Variants in RAPGEF4 observed in about 807,000 individuals in gnomAD.
RAPGEF4 encodes Rap guanine nucleotide exchange factor 4.
A neutral mutation model predicts 147.9 loss-of-function variants in RAPGEF4; 66 were observed. The observed-to-expected ratio is 0.45, with a 90% confidence interval of 0.37 to 0.55. The LOEUF (loss-of-function observed/expected upper bound fraction) is 0.55, where lower values mean the gene tolerates loss of function less well. Among genes scored for constraint, RAPGEF4 ranks in the 20% least tolerant of loss-of-function variants. The pLI is 0.00. For synonymous variants in RAPGEF4, 419 were observed against 442.7 expected, an observed-to-expected ratio of 0.95 and a Z score of 0.67; for missense variants, 1,071 against 1,257.3, an observed-to-expected ratio of 0.85 and a Z score of 2.24.
intron 4 of RAPGEF4, 94 bp downstream of exon 4, chr2:172,814,519 G>A: frequency 2.1e-6 from 3 of 1,432,460 alleles, no homozygotes; most frequent in Non-Finnish European, 2.0e-6. Flanking sequence ...GCCTTAATGT[G>A]TTCTGTTCTG....
intron 29 of RAPGEF4, 81 bp downstream of exon 29, chr2:173,036,773 C>T (rs1684072268): frequency 5.1e-6 from 5 of 978,546 alleles, no homozygotes; most frequent in Non-Finnish European, 7.8e-6. Flanking sequence ...AAATAATTTC[C>T]ATATATGCTG....
intron 3 of RAPGEF4, among the ~76,000 whole-genome samples, chr2:172,803,178 A>G (rs891246819): frequency 2.0e-5 from 3 of 151,894 alleles, no homozygotes; most frequent in African/African-American, 7.3e-5. Flanking sequence ...CCCAGTAGGG[A>G]CTCTGTGTGG....
chr2:172,971,274 A>G (rs1003525617), intron 10 of RAPGEF4, among the ~76,000 whole-genome samples: 1 of 152,228 alleles, frequency 6.6e-6, no homozygotes, highest in Non-Finnish European at 1.5e-5. Flanking sequence ...CCTTCCAAGT[A>G]AAGTGAGACA....
rs1457967377 is a variant in RAPGEF4 at position 172,967,445 on chromosome 2, G to A, written c.1004+1G>A. On this transcript the variant is annotated splice_donor_variant, in intron 10 of 30. Coordinates refer to ENST00000397081, the MANE Select transcript of RAPGEF4 (RefSeq NM_007023.4). LOFTEE classifies it high-confidence loss of function. ...ACATGAGGATGATCCTTCGCAAACC[G>A]TGAGTGAGAGCTCGTGGCTCACCCC... 5.6e-6 allele frequency: 9 copies of A among 1,609,286 alleles called. No homozygotes were observed. Among genetic ancestry groups the A allele is most frequent in the East Asian group, 2.2e-5 (1 of 44,798 alleles).
At chr2:172,800,275 A>T (rs1230567292) in intron 3 of RAPGEF4, among the ~76,000 whole-genome samples, 1 of 152,212 alleles carries the variant, frequency 6.6e-6, no homozygotes, top group African/African-American at 2.4e-5. Context: ...TCTAGAGTAC[A>T]GCCTGAGATA....
intron 18 of RAPGEF4, among the ~76,000 whole-genome samples, chr2:173,016,049 T>C (rs1357938224): frequency 3.3e-5 from 5 of 152,250 alleles, no homozygotes; most frequent in Non-Finnish European, 5.9e-5. Flanking sequence ...GTAAAATAGA[T>C]ATCTAATATA....
intron 4 of RAPGEF4, among the ~76,000 whole-genome samples, chr2:172,845,716 C>G (rs948807577): frequency 6.6e-6 from 1 of 152,174 alleles, no homozygotes; most frequent in Non-Finnish European, 1.5e-5. Context: ...ACCATTTTAA[C>G]CATTTTAGAT....
intron 1 of RAPGEF4, among the ~76,000 whole-genome samples, chr2:172,768,769 G>A (rs1697086473): frequency 6.6e-6 from 1 of 152,174 alleles, no homozygotes; most frequent in African/African-American, 2.4e-5. Flanking sequence ...TGAAAAGCTC[G>A]ACATTGGCCA....
intron 1 of RAPGEF4, among the ~76,000 whole-genome samples, chr2:172,782,550 A>C (rs973270918): frequency 6.6e-6 from 1 of 152,228 alleles, no homozygotes; most frequent in African/African-American, 2.4e-5. Context: ...TAGGGGCAAC[A>C]GTGGCAATTT....
intron 4 of RAPGEF4, among the ~76,000 whole-genome samples, chr2:172,907,069 T>C (rs1391090763): frequency 6.6e-6 from 1 of 152,064 alleles, no homozygotes; most frequent in Non-Finnish European, 1.5e-5. Flanking sequence ...CACCACCCCT[T>C]CCCCAGTCTG....
intron 4 of RAPGEF4, among the ~76,000 whole-genome samples, chr2:172,853,822 C>T (rs1329003707): frequency 1.3e-5 from 2 of 151,796 alleles, no homozygotes; most frequent in Admixed American, 6.6e-5. Flanking sequence ...TGTCAGTTTC[C>T]AAATATTTTG....
intron 29 of RAPGEF4, among the ~76,000 whole-genome samples, chr2:173,041,851 T>C (rs1453874336): frequency 1.3e-5 from 2 of 152,210 alleles, no homozygotes; most frequent in African/African-American, 4.8e-5. Context: ...AGTTGTCTGC[T>C]GTCTGGTTCC....
intron 4 of RAPGEF4, among the ~76,000 whole-genome samples, chr2:172,906,204 G>C (rs1699611459): frequency 6.6e-6 from 1 of 152,146 alleles, no homozygotes; most frequent in African/African-American, 2.4e-5. Context: ...GGCTTTCAGA[G>C]AAAGTACAGA....
intron 22 of RAPGEF4, among the ~76,000 whole-genome samples, chr2:173,020,097 T>G (rs1364546554): frequency 1.3e-5 from 2 of 152,248 alleles, no homozygotes; most frequent in Non-Finnish European, 2.9e-5. Flanking sequence ...TTAATTTTTT[T>G]GACATGTTCT....
At chr2:172,934,147 C>CTT (rs5836396) in intron 6 of RAPGEF4, among the ~76,000 whole-genome samples, 7,366 of 99,150 alleles carry the variant, frequency 0.074, 807 homozygotes, top group East Asian at 0.15. Context: ...TTATTTAATC[C>CTT]TTTTTTTTTT....
chr2:172,915,695 C>T (rs1169742091), intron 4 of RAPGEF4, among the ~76,000 whole-genome samples: 1 of 79,682 alleles, frequency 1.3e-5, no homozygotes, highest in Non-Finnish European at 2.3e-5. Flanking sequence ...CAGAGTGAGA[C>T]CCTGTCTCAA....
rs183419837 is a variant in RAPGEF4 at position 173,028,279 on chromosome 2, A to G, written c.2558+1020A>G. On this transcript the variant is annotated intron_variant, in intron 25 of 30. Coordinates refer to ENST00000397081, the MANE Select transcript of RAPGEF4 (RefSeq NM_007023.4). ...TGCCTGTGAATTTCTGGTTCAGAGTATAGCCACTTCCCTGGTAGTCTGCAC... is the reference window on the plus strand; with the variant it reads ...TGCCTGTGAATTTCTGGTTCAGAGTGTAGCCACTTCCCTGGTAGTCTGCAC... Among the ~76,000 whole-genome samples the G allele has an allele frequency of 2.4e-3, 368 of 152,372 alleles. 7 individuals are homozygous for G. The highest frequency in any genetic ancestry group is 0.017 in the East Asian group (89 of 5,190).
chr2:172,779,174 C>T (rs945891146), intron 1 of RAPGEF4, among the ~76,000 whole-genome samples: 1 of 152,060 alleles, frequency 6.6e-6, no homozygotes, highest in African/African-American at 2.4e-5. Flanking sequence ...AAAAGAATCC[C>T]TGCTTTTATG....
At chr2:173,017,244 A>G (rs751561429) in intron 20 of RAPGEF4, 40 bp downstream of exon 20, 2 of 1,590,258 alleles carry the variant, frequency 1.3e-6, no homozygotes, top group South Asian at 2.2e-5. Context: ...TGTGTCCTGT[A>G]GAATTACAAT....
Sources: gnomAD v4.1 joint callset for allele counts (sites outside exome capture counted in the v4.1 genomes callset) on GRCh38, gnomAD v4.1.1 for gene constraint, MANE v1.5 for transcripts, NCBI Gene and HGNC (gene_info 2026-07-23, HGNC 2026-07-21) for gene names.